The following G2E3 variants were observed in gnomAD, a reference collection of about 807,000 sequenced individuals.
G2E3 encodes G2/M phase-specific E3 ubiquitin-protein ligase.
Under a neutral mutation model 92.8 loss-of-function variants are expected in G2E3, and 35 were observed. The observed-to-expected ratio is 0.38, with a 90% CI of 0.29 to 0.50. G2E3 has a LOEUF of 0.50. Among genes scored for constraint, G2E3 ranks in the 20% least tolerant of loss-of-function variants. The pLI, the probability that G2E3 is intolerant of heterozygous loss-of-function variation, is 0.94. For synonymous variants in G2E3, 242 were observed against 272.4 expected, an observed-to-expected ratio of 0.89 and a Z score of 1.10; for missense variants, 554 against 823.8, an observed-to-expected ratio of 0.67 and a Z score of 4.01.
intron 1 of G2E3, among the ~76,000 whole-genome samples, chr14:30,576,480 A>C (rs1880098358): frequency 6.6e-6 from 1 of 152,214 alleles, no homozygotes. Context: ...CATGACAAGG[A>C]CTCCAAAACC....
At chr14:30,590,733 T>A (rs1300694765) in intron 4 of G2E3, 2 of 455,750 alleles carry the variant, frequency 4.4e-6, no homozygotes, top group African/African-American at 4.0e-5. Flanking sequence ...AAGGTGAGCA[T>A]GAATCTAAGG....
intron 10 of G2E3, among the ~76,000 whole-genome samples, chr14:30,604,783 T>C (rs1216303024): frequency 2.6e-5 from 4 of 152,212 alleles, no homozygotes; most frequent in Admixed American, 6.5e-5. Flanking sequence ...ATTTGCTTTT[T>C]TTAAAAAAGG....
At chr14:30,589,174 T>C (rs1223775545) in intron 3 of G2E3, among the ~76,000 whole-genome samples, 1 of 152,074 alleles carries the variant, frequency 6.6e-6, no homozygotes, top group East Asian at 1.9e-4. Context: ...AATTAGGATA[T>C]ACAAACTGAT....
chr14:30,595,471 T>C (rs1057281762), intron 6 of G2E3, among the ~76,000 whole-genome samples: 2 of 152,166 alleles, frequency 1.3e-5, no homozygotes, highest in African/African-American at 4.8e-5. Context: ...ATTAAGGCCT[T>C]TTGTGAACAC....
intron 3 of G2E3, among the ~76,000 whole-genome samples, chr14:30,588,163 T>G (rs1880814918): frequency 1.3e-5 from 2 of 152,160 alleles, no homozygotes; most frequent in Admixed American, 1.3e-4. Context: ...GATTATGTTT[T>G]GCAGTAAAAA....
chr14:30,597,536 A>G lies in G2E3; in HGVS notation c.635+10A>G. 1.7e-6 allele frequency: 2 copies of G among 1,204,358 alleles called. No individual in the cohort carries two copies. The highest frequency in any genetic ancestry group is 1.2e-6 in the Non-Finnish European group (1 of 808,386). 74.6% of individuals were successfully genotyped at this position (1,204,358 alleles called of 1,614,324 possible). A position where few individuals can be genotyped will look rare whatever the true frequency, so the allele number is the denominator to read the frequency against. ...TTCATATTCCTGAAAAGTGAGTAAC[A>G]TTTAGCCTTATGATAAAAAAAAGAT... On this transcript the variant is annotated intron_variant, in intron 7 of 14. Coordinates refer to ENST00000206595, the MANE Select transcript of G2E3 (RefSeq NM_017769.5).
chr14:30,603,475 TAGAGCCTTGCTTTACCCAATAGGGAAG>T (rs1401350046), intron 10 of G2E3, among the ~76,000 whole-genome samples: 1 of 152,212 alleles, frequency 6.6e-6, no homozygotes, highest in Non-Finnish European at 1.5e-5. Flanking sequence ...AAAGAGTTTT[TAGAGCCTTGCTTTACCCAATAGGGAAG>T]AAGTAGAAAA....
At chr14:30,575,901 C>G (rs1051986625) in intron 1 of G2E3, among the ~76,000 whole-genome samples, 1 of 152,172 alleles carries the variant, frequency 6.6e-6, no homozygotes, top group East Asian at 1.9e-4. Flanking sequence ...ATCCCATGCT[C>G]ATGTATAGGA....
intron 7 of G2E3, among the ~76,000 whole-genome samples, chr14:30,597,752 G>T (rs1881360869): frequency 2.0e-5 from 3 of 152,136 alleles, no homozygotes. Context: ...AAGTAGCTCA[G>T]CTATGTCCAA....
chr14:30,580,839 G>A (rs1880391673), intron 1 of G2E3: 1 of 427,948 alleles, frequency 2.3e-6, no homozygotes, highest in African/African-American at 2.1e-5. Context: ...CTAAATACCA[G>A]TGGTCATCTT....
intron 6 of G2E3, 108 bp downstream of exon 6, chr14:30,593,747 G>A: frequency 1.3e-6 from 1 of 759,156 alleles, no homozygotes; most frequent in East Asian, 2.8e-5. Flanking sequence ...CTTACTACTT[G>A]TTACTTTTAA....
intron 5 of G2E3, among the ~76,000 whole-genome samples, chr14:30,592,845 A>C (rs568041829): frequency 1.3e-5 from 2 of 152,296 alleles, no homozygotes; most frequent in African/African-American, 4.8e-5. Flanking sequence ...AATTTGATTG[A>C]GTACACAAAG....
chr14:30,566,738 C>G (rs1879462798), intron 1 of G2E3, among the ~76,000 whole-genome samples: 1 of 152,130 alleles, frequency 6.6e-6, no homozygotes, highest in African/African-American at 2.4e-5. Context: ...TCAGTGTTGA[C>G]TACAAGTGGT....
In G2E3 at chr14:30,613,830, T is replaced by C. The variant is rs138449922; in HGVS notation, c.1673+1451T>C. On this transcript the variant is annotated intron_variant, in intron 13 of 14. Transcript: ENST00000206595. Reference sequence around the variant, plus strand: ...GTCCTGTGTTGAGAATTCCAGTTCTTAATGACACTGGAGAATTTAAGTATG... The same window carrying C: ...GTCCTGTGTTGAGAATTCCAGTTCTCAATGACACTGGAGAATTTAAGTATG... 7.2e-5 allele frequency among the ~76,000 whole-genome samples: 11 copies of C among 152,286 alleles called. No homozygotes were observed. In the East Asian group the frequency reaches 2.1e-3, roughly 29 times the overall value.
intron 10 of G2E3, among the ~76,000 whole-genome samples, chr14:30,604,136 A>G (rs919207165): frequency 2.0e-5 from 3 of 152,244 alleles, no homozygotes; most frequent in Non-Finnish European, 2.9e-5. Flanking sequence ...TTTAACATGC[A>G]GTCATATTTA....
intron 1 of G2E3, among the ~76,000 whole-genome samples, chr14:30,579,234 C>T (rs535440597): frequency 6.6e-6 from 1 of 152,184 alleles, no homozygotes; most frequent in Non-Finnish European, 1.5e-5. Context: ...TGGAGAGGAG[C>T]TAGGAAAAAT....
rs561233221 is a variant in G2E3 at position 30,618,930 on chromosome 14, A to G, written c.*2396A>G. ...GTACATATATTTCTTAAATATTGCAATTGCCTAAATGTTGTATATTTTAAG... is the reference window on the plus strand; with the variant it reads ...GTACATATATTTCTTAAATATTGCAGTTGCCTAAATGTTGTATATTTTAAG... On this transcript the variant is annotated 3_prime_UTR_variant, in exon 15 of 15. Transcript: ENST00000206595. 4.6e-5 allele frequency: 7 copies of G among 152,202 alleles called. No homozygotes were observed. The highest frequency in any genetic ancestry group is 2.1e-4 in the South Asian group (1 of 4,828). 9.4% of individuals were successfully genotyped at this position (152,202 alleles called of 1,614,324 possible).
intron 1 of G2E3, among the ~76,000 whole-genome samples, chr14:30,575,921 A>G (rs1254764841): frequency 6.6e-6 from 1 of 152,256 alleles, no homozygotes; most frequent in African/African-American, 2.4e-5. Context: ...AAGAATCAAT[A>G]TCATTAAAAT....
chr14:30,581,861 A>G (rs1880455219), intron 2 of G2E3, among the ~76,000 whole-genome samples: 2 of 152,208 alleles, frequency 1.3e-5, no homozygotes, highest in Admixed American at 1.3e-4. Flanking sequence ...ACAATGAAAT[A>G]TGAGGAATTT....
Sources: allele counts gnomAD v4.1 joint callset (sites outside exome capture counted in the v4.1 genomes callset), GRCh38; gene constraint gnomAD v4.1.1; transcripts MANE v1.5; gene names NCBI Gene and HGNC (gene_info 2026-07-23, HGNC 2026-07-21).